The following CCSER1 variants were observed in gnomAD, a reference collection of about 807,000 sequenced individuals.
CCSER1 encodes the protein coiled-coil serine rich protein 1, also known as serine-rich coiled-coil domain-containing protein 1.
CCSER1 carries 41 observed loss-of-function variants against 82.0 expected under a neutral mutation model. That is an observed-to-expected ratio of 0.50 (90% CI 0.39 to 0.65). CCSER1 has a LOEUF of 0.65. CCSER1 is among the 30% of genes least tolerant of loss of function. The pLI is 0.00. For synonymous variants in CCSER1, 414 were observed against 383.9 expected (o/e 1.08, Z -0.92); for missense variants, 1,119 against 1,064.2 (o/e 1.05, Z -0.72).
At chr4:90,778,441 C>G (rs1161738938) in intron 7 of CCSER1, among the ~76,000 whole-genome samples, 4 of 151,634 alleles carry the variant, frequency 2.6e-5, no homozygotes, top group Admixed American at 2.6e-4. Context: ...TGCAAGTAAG[C>G]CTTGCTATGA....
chr4:91,039,113 C>T (rs1005119103), intron 9 of CCSER1, among the ~76,000 whole-genome samples: 3 of 152,158 alleles, frequency 2.0e-5, no homozygotes, highest in African/African-American at 7.2e-5. Flanking sequence ...ACTGCAGCCT[C>T]AACCACTTGG....
chr4:90,191,258 C>T (rs575179951), intron 1 of CCSER1, among the ~76,000 whole-genome samples: 6 of 151,776 alleles, frequency 4.0e-5, no homozygotes, highest in African/African-American at 7.2e-5. Flanking sequence ...CCCTGTGTTT[C>T]GGGCCATTTC....
At chr4:90,169,535 G>A (rs564120304) in intron 1 of CCSER1, among the ~76,000 whole-genome samples, 1 of 152,160 alleles carries the variant, frequency 6.6e-6, no homozygotes, top group South Asian at 2.1e-4. Context: ...TGGTGAGAGA[G>A]GGCATCCCTG....
chr4:90,502,180 C>A (rs1351382551), intron 5 of CCSER1, among the ~76,000 whole-genome samples: 1 of 152,128 alleles, frequency 6.6e-6, no homozygotes, highest in Non-Finnish European at 1.5e-5. Flanking sequence ...GTTTAGTTGA[C>A]TCACAGTTTC....
intron 10 of CCSER1, among the ~76,000 whole-genome samples, chr4:91,363,352 ATAT>A (rs1749379015): frequency 2.7e-5 from 1 of 36,368 alleles, no homozygotes. Flanking sequence ...TAGGATGGAG[ATAT>A]TTTGTGTGTG....
intron 1 of CCSER1, among the ~76,000 whole-genome samples, chr4:90,158,082 C>T (rs376722990): frequency 5.8e-4 from 89 of 152,228 alleles, no homozygotes; most frequent in Non-Finnish European, 9.3e-4. Context: ...TTGTTAGTTT[C>T]CCTTCTAACA....
intron 10 of CCSER1, among the ~76,000 whole-genome samples, chr4:91,595,516 A>G (rs1190323821): frequency 6.6e-6 from 1 of 152,140 alleles, no homozygotes; most frequent in Admixed American, 6.6e-5. Flanking sequence ...TTATATTGTT[A>G]CTGTGATGAT....
chr4:90,224,546 T>G (rs1252228917), intron 1 of CCSER1, among the ~76,000 whole-genome samples: 1 of 152,238 alleles, frequency 6.6e-6, no homozygotes, highest in Non-Finnish European at 1.5e-5. Context: ...TATTTTTTCT[T>G]TCAATTCTCT....
chr4:90,845,877 G>A (rs1223277598), intron 8 of CCSER1, among the ~76,000 whole-genome samples: 1 of 150,724 alleles, frequency 6.6e-6, no homozygotes, highest in African/African-American at 2.4e-5. Flanking sequence ...CAATGGACTT[G>A]TAACTTATTT....
chr4:90,902,767 G>C (rs1264455262), intron 8 of CCSER1, among the ~76,000 whole-genome samples: 1 of 152,058 alleles, frequency 6.6e-6, no homozygotes, highest in African/African-American at 2.4e-5. Flanking sequence ...CCAGTAGATG[G>C]TGATTAAGAG....
intron 1 of CCSER1, among the ~76,000 whole-genome samples, chr4:90,249,118 C>T (rs1721936335): frequency 6.6e-6 from 1 of 152,026 alleles, no homozygotes; most frequent in Non-Finnish European, 1.5e-5. Context: ...CTTTTTAATT[C>T]CTCAAATAGT....
chr4:91,565,840 G>T (rs541853797), intron 10 of CCSER1, among the ~76,000 whole-genome samples: 1 of 152,144 alleles, frequency 6.6e-6, no homozygotes, highest in African/African-American at 2.4e-5. Context: ...CTAAAACAGA[G>T]ATAGTTTGAC....
intron 6 of CCSER1, among the ~76,000 whole-genome samples, chr4:90,640,410 A>C (rs1362031177): frequency 1.3e-5 from 2 of 152,202 alleles, no homozygotes; most frequent in Non-Finnish European, 2.9e-5. Context: ...TAGGTTAATC[A>C]AGAATGATAA....
At chr4:90,389,135 G>C (rs960394030) in intron 3 of CCSER1, among the ~76,000 whole-genome samples, 1 of 152,146 alleles carries the variant, frequency 6.6e-6, no homozygotes, top group African/African-American at 2.4e-5. Context: ...ATGGCCACTG[G>C]TTTAACAAGT....
intron 8 of CCSER1, among the ~76,000 whole-genome samples, chr4:90,916,991 T>C (rs1046465350): frequency 5.3e-5 from 8 of 152,096 alleles, no homozygotes; most frequent in South Asian, 2.1e-4. Context: ...GTTAGAATGG[T>C]GATCATTAAA....
intron 9 of CCSER1, among the ~76,000 whole-genome samples, chr4:90,973,018 G>A (rs1735266642): frequency 6.6e-6 from 1 of 151,800 alleles, no homozygotes; most frequent in African/African-American, 2.4e-5. Flanking sequence ...TCAACTCAAA[G>A]TGGATTAAAT....
chr4:91,127,964 G>A lies in CCSER1; in HGVS notation c.2217+41970G>A, dbSNP rs1384134409. ...TGCACTGGGACACTCCCAGATCTCA[G>A]TCCTTTTCAAAAGTCCCCTATAATG... On this transcript the variant is annotated intron_variant, in intron 10 of 10. Coordinates refer to ENST00000509176, the MANE Select transcript of CCSER1 (RefSeq NM_001145065.2). 1.2e-4 allele frequency among the ~76,000 whole-genome samples: 18 copies of A among 151,738 alleles called. No individual in the cohort carries two copies. In the South Asian group the frequency reaches 1.9e-3, roughly 16 times the overall value.
chr4:90,815,713 A>T (rs1202041187), intron 7 of CCSER1, 49 bp from the exon 8 acceptor site: 1 of 1,360,156 alleles, frequency 7.4e-7, no homozygotes, highest in Non-Finnish European at 1.0e-6. Context: ...TATCAAGAGC[A>T]AAGTAAAAGG....
At chr4:90,410,253 A>G (rs1754488563) in intron 4 of CCSER1, among the ~76,000 whole-genome samples, 1 of 152,174 alleles carries the variant, frequency 6.6e-6, no homozygotes, top group South Asian at 2.1e-4. Context: ...ATATCCAGCA[A>G]TTGAACTCAG....
Sources: gnomAD v4.1 joint callset for allele counts (sites outside exome capture counted in the v4.1 genomes callset) on GRCh38, gnomAD v4.1.1 for gene constraint, MANE v1.5 for transcripts, NCBI Gene and HGNC (gene_info 2026-07-23, HGNC 2026-07-21) for gene names.